CDH4: variants seen among roughly 807,000 people sequenced by gnomAD.
CDH4 encodes cadherin-4.
Under a neutral mutation model 86.0 loss-of-function variants are expected in CDH4, and 33 were observed. The ratio of observed to expected loss-of-function variants is 0.38; its 90% CI spans 0.29 to 0.51. The LOEUF (loss-of-function observed/expected upper bound fraction) is 0.51. Among genes scored for constraint, CDH4 ranks in the 20% least tolerant of loss-of-function variants. The pLI, the probability that CDH4 is intolerant of heterozygous loss-of-function variation, is 0.86. For missense variants in CDH4, 1,114 were observed against 1,307.4 expected, an observed-to-expected ratio of 0.85 and a Z score of 2.28; for synonymous variants, 555 against 549.4, an observed-to-expected ratio of 1.01 and a Z score of -0.14.
chr20:61,777,308 G>A (rs375090367), intron 4 of CDH4, among the ~76,000 whole-genome samples: 1 of 152,282 alleles, frequency 6.6e-6, no homozygotes, highest in Middle Eastern at 3.4e-3. Flanking sequence ...GTTGTGCTGG[G>A]CACCCATCAG....
intron 2 of CDH4, among the ~76,000 whole-genome samples, chr20:61,386,262 G>A (rs893556630): frequency 1.3e-5 from 2 of 152,186 alleles, no homozygotes; most frequent in Non-Finnish European, 2.9e-5. Flanking sequence ...CTCCTGGAAG[G>A]AACAAAACCT....
At chr20:61,348,455 A>G (rs6015962) in intron 2 of CDH4, among the ~76,000 whole-genome samples, 30,155 of 152,146 alleles carry the variant, frequency 0.2, 2,998 homozygotes, top group Middle Eastern at 0.35. Flanking sequence ...TAGCCAGACC[A>G]TATCAATAGG....
At chr20:61,265,307 C>T (rs2084151882) in intron 2 of CDH4, among the ~76,000 whole-genome samples, 1 of 149,214 alleles carries the variant, frequency 6.7e-6, no homozygotes, top group African/African-American at 2.6e-5. Flanking sequence ...TTCAATCTTA[C>T]ACATACCCCA....
At chr20:61,291,900 C>T (rs1463666033) in intron 2 of CDH4, among the ~76,000 whole-genome samples, 1 of 152,196 alleles carries the variant, frequency 6.6e-6, no homozygotes, top group Non-Finnish European at 1.5e-5. Flanking sequence ...CTCCTCCCAC[C>T]CTCCCTGCTC....
chr20:61,889,572 CGAT>C (rs1311576389), intron 7 of CDH4, among the ~76,000 whole-genome samples: 4 of 109,340 alleles, frequency 3.7e-5, no homozygotes, highest in East Asian at 2.7e-4. Flanking sequence ...GTAGATGGAT[CGAT>C]GATGAATGAG....
Position 61,637,787 on chromosome 20 carries a change from G to A in CDH4, c.170-105776G>A, listed in dbSNP as rs564975791. On this transcript the variant is annotated intron_variant, in intron 2 of 15. Coordinates refer to ENST00000614565, the MANE Select transcript of CDH4 (RefSeq NM_001794.5). Reference sequence around the variant, plus strand: ...TGTAATCCCAGCACTTTGGGAGGCGGAGGCGGGCGGATCACCTGAGGTCAG... The same window carrying A: ...TGTAATCCCAGCACTTTGGGAGGCGAAGGCGGGCGGATCACCTGAGGTCAG... Among the ~76,000 whole-genome samples, 3 of 152,250 alleles carry A rather than the reference G, an allele frequency of 2.0e-5. No homozygotes were observed. In the East Asian group the frequency reaches 5.8e-4, roughly 29 times the overall value.
At chr20:61,509,602 G>A (rs543040056) in intron 2 of CDH4, among the ~76,000 whole-genome samples, 7 of 151,738 alleles carry the variant, frequency 4.6e-5, no homozygotes, top group Admixed American at 1.3e-4. Flanking sequence ...GGACAGGACC[G>A]TCATGCCAAG....
At chr20:61,720,400 G>A (rs558958227) in intron 2 of CDH4, among the ~76,000 whole-genome samples, 2 of 151,954 alleles carry the variant, frequency 1.3e-5, no homozygotes, top group Admixed American at 6.5e-5. Context: ...GGGGTGCAGG[G>A]GTGCGAAGTG....
chr20:61,806,230 C>T (rs986323030), intron 4 of CDH4, among the ~76,000 whole-genome samples: 1 of 152,236 alleles, frequency 6.6e-6, no homozygotes, highest in East Asian at 1.9e-4. Context: ...AGCCAGGCGT[C>T]GTGGCCTGCC....
In CDH4 at chr20:61,488,593, G is replaced by C. The variant is rs118086530; in HGVS notation, c.169+233656G>C. ...AAGTATGTACTCTATAAAAAATGTC[G>C]TGGGGCCTGACTGGTATCAAGAGGA... is the stretch of plus-strand genomic sequence containing the variant. On this transcript the variant is annotated intron_variant, in intron 2 of 15. Transcript: ENST00000614565. 6.6e-5 allele frequency among the ~76,000 whole-genome samples: 10 copies of C among 152,260 alleles called. No individual in the cohort carries two copies. The East Asian group carries it at 1.2e-3, about 18-fold the overall frequency.
intron 2 of CDH4, among the ~76,000 whole-genome samples, chr20:61,616,971 G>C (rs987619850): frequency 6.6e-6 from 1 of 152,172 alleles, no homozygotes; most frequent in Non-Finnish European, 1.5e-5. Flanking sequence ...CTGTGCGAAG[G>C]TGTCTCAGTG....
chr20:61,690,247 T>C (rs1260741334), intron 2 of CDH4, among the ~76,000 whole-genome samples: 1 of 151,560 alleles, frequency 6.6e-6, no homozygotes, highest in Non-Finnish European at 1.5e-5. Context: ...GCGGGGACAG[T>C]GGTTAGGTGA....
intron 2 of CDH4, among the ~76,000 whole-genome samples, chr20:61,599,299 T>C (rs1193862326): frequency 6.6e-6 from 1 of 152,128 alleles, no homozygotes; most frequent in Non-Finnish European, 1.5e-5. Context: ...GGTGTCGGAC[T>C]GGGGACCTCC....
chr20:61,585,461 TG>T (rs1352965790), intron 2 of CDH4, among the ~76,000 whole-genome samples: 6 of 152,270 alleles, frequency 3.9e-5, no homozygotes, highest in Non-Finnish European at 5.9e-5. Context: ...TTTTATAAAA[TG>T]CCTATTATTT....
intron 2 of CDH4, among the ~76,000 whole-genome samples, chr20:61,498,707 A>T (rs1184202565): frequency 6.6e-6 from 1 of 152,172 alleles, no homozygotes; most frequent in Admixed American, 6.5e-5. Context: ...TGGAAGAGGA[A>T]TTGTCTTGGG....
At chr20:61,597,700 A>G (rs1600793663) in intron 2 of CDH4, among the ~76,000 whole-genome samples, 3 of 152,300 alleles carry the variant, frequency 2.0e-5, no homozygotes, top group Middle Eastern at 6.8e-3. Context: ...GGGCAGCTTC[A>G]GCAGGGGTGC....
In CDH4 at chr20:61,544,643, T is replaced by C. The variant is rs2145660732; in HGVS notation, c.170-198920T>C. Among the ~76,000 whole-genome samples, 1 of 152,084 alleles carries C rather than the reference T, an allele frequency of 6.6e-6. No homozygotes were observed. Among genetic ancestry groups the C allele is most frequent in the South Asian group, 2.1e-4 (1 of 4,802 alleles). On this transcript the variant is annotated intron_variant, in intron 2 of 15. Coordinates refer to ENST00000614565, the MANE Select transcript of CDH4 (RefSeq NM_001794.5). This position sits in a 1 kb window ranked among gnomAD's most constrained non-coding sequence, Gnocchi z 6.5. Reference sequence around the variant, plus strand: ...CAGGGCCCACCAGACCCCACGCTGCTCTACTCCGCACCGGCCCCCCTGCCT... The same window carrying C: ...CAGGGCCCACCAGACCCCACGCTGCCCTACTCCGCACCGGCCCCCCTGCCT...
At chr20:61,335,857 C>T (rs1482652430) in intron 2 of CDH4, among the ~76,000 whole-genome samples, 3 of 152,180 alleles carry the variant, frequency 2.0e-5, no homozygotes, top group Non-Finnish European at 4.4e-5. Flanking sequence ...TGGTTCTACC[C>T]ACTGATGACT....
intron 2 of CDH4, among the ~76,000 whole-genome samples, chr20:61,353,693 T>TCCCC (rs1568810425): frequency 4.5e-5 from 1 of 22,072 alleles, no homozygotes; most frequent in Non-Finnish European, 7.9e-5. Flanking sequence ...CCCCTCCTCC[T>TCCCC]CCCCTCCTCC....
Sources: gnomAD v4.1 joint callset for allele counts (sites outside exome capture counted in the v4.1 genomes callset) on GRCh38, gnomAD v4.1.1 for gene constraint, Gnocchi (gnomAD v3.1) non-coding constraint, MANE v1.5 for transcripts, NCBI Gene and HGNC (gene_info 2026-07-23, HGNC 2026-07-21) for gene names.